The following ANKRD33B variants were observed in gnomAD, a reference collection of about 807,000 sequenced individuals.
ANKRD33B encodes ankyrin repeat domain 33B.
A neutral mutation model predicts 21.5 loss-of-function variants in ANKRD33B; 6 were observed. That is an observed-to-expected ratio of 0.28 (90% CI 0.15 to 0.55). The LOEUF (loss-of-function observed/expected upper bound fraction) is 0.55. Ranked by LOEUF, ANKRD33B falls within the 20% of genes least tolerant of loss-of-function variation. ANKRD33B has a pLI of 0.94. For synonymous variants in ANKRD33B, 347 were observed against 342.4 expected, an observed-to-expected ratio of 1.01 and a Z score of -0.15; for missense variants, 698 against 747.2, an observed-to-expected ratio of 0.93 and a Z score of 0.77.
At chr5:10,582,538 T>A (rs375879702) in intron 1 of ANKRD33B, among the ~76,000 whole-genome samples, 1 of 152,242 alleles carries the variant, frequency 6.6e-6, no homozygotes, top group Non-Finnish European at 1.5e-5. Flanking sequence ...CTTTTTTATT[T>A]TCTTTTTAAC....
intron 2 of ANKRD33B, among the ~76,000 whole-genome samples, chr5:10,634,956 G>C (rs1385518602): frequency 6.6e-6 from 1 of 151,166 alleles, no homozygotes; most frequent in Non-Finnish European, 1.5e-5. Context: ...TGTGATGAGA[G>C]GTATTATTCT....
At chr5:10,624,355 C>G (rs1244221391) in intron 2 of ANKRD33B, among the ~76,000 whole-genome samples, 2 of 152,168 alleles carry the variant, frequency 1.3e-5, no homozygotes, top group East Asian at 3.9e-4. Context: ...GTTTTGAACT[C>G]CTGACCTCAA....
At chr5:10,594,572 A>G (rs1202900659) in intron 1 of ANKRD33B, among the ~76,000 whole-genome samples, 1 of 151,988 alleles carries the variant, frequency 6.6e-6, no homozygotes, top group African/African-American at 2.4e-5. Context: ...ACTCATCCCC[A>G]TGCATGCCGA....
At chr5:10,631,058 C>A (rs1467503673) in intron 2 of ANKRD33B, among the ~76,000 whole-genome samples, 1 of 152,086 alleles carries the variant, frequency 6.6e-6, no homozygotes, top group East Asian at 1.9e-4. Flanking sequence ...CAGATAATTT[C>A]TTTATGTTAG....
At chr5:10,640,738 A>C (rs1026664911) in intron 3 of ANKRD33B, among the ~76,000 whole-genome samples, 1 of 152,198 alleles carries the variant, frequency 6.6e-6, no homozygotes, top group Non-Finnish European at 1.5e-5. Flanking sequence ...TCTCTGTCTT[A>C]GTTGTTCTGC....
At chr5:10,585,085 T>G (rs889248904) in intron 1 of ANKRD33B, among the ~76,000 whole-genome samples, 2 of 152,096 alleles carry the variant, frequency 1.3e-5, no homozygotes, top group African/African-American at 4.8e-5. Flanking sequence ...TGACCAGTGC[T>G]TTACTCACAA....
rs1736087897 is a variant in ANKRD33B at position 10,608,064 on chromosome 5, G to A, written c.367-10269G>A. Among the ~76,000 whole-genome samples the A allele has an allele frequency of 2.0e-5, 3 of 151,986 alleles. No individual in the cohort carries two copies. The South Asian group carries it at 6.2e-4, about 32-fold the overall frequency. ...AGCTTGGTAATCAAGAATAGCAACAGCAGGCTGAGTACGGGGGCTCACGCC... is the reference window on the plus strand; with the variant it reads ...AGCTTGGTAATCAAGAATAGCAACAACAGGCTGAGTACGGGGGCTCACGCC... On this transcript the variant is annotated intron_variant, in intron 1 of 3. Coordinates refer to ENST00000296657, the MANE Select transcript of ANKRD33B (RefSeq NM_001164440.2).
At chr5:10,609,877 A>G (rs755751975) in intron 1 of ANKRD33B, among the ~76,000 whole-genome samples, 1 of 152,160 alleles carries the variant, frequency 6.6e-6, no homozygotes, top group African/African-American at 2.4e-5. Context: ...CCATTGCACT[A>G]TAGCCTGGGT....
intron 1 of ANKRD33B, among the ~76,000 whole-genome samples, chr5:10,600,831 T>A (rs1348426011): frequency 6.6e-6 from 1 of 152,212 alleles, no homozygotes; most frequent in Non-Finnish European, 1.5e-5. Context: ...GTCAGTCTTT[T>A]TAATTTTAAC....
chr5:10,602,106 C>G (rs1735947094), intron 1 of ANKRD33B, among the ~76,000 whole-genome samples: 1 of 132,982 alleles, frequency 7.5e-6, no homozygotes, highest in Admixed American at 7.3e-5. Context: ...AACAAGAACA[C>G]AAGCTGAGCT....
At position 10,657,443 on chromosome 5, in the gene ANKRD33B, A is replaced by G. The variant is rs190327013; in HGVS notation, c.*7330A>G. ...TGAATGTAAACCTATTTGCATTGTC[A>G]TTTCTAATAATCCAGTAGGTTTCTG... On this transcript the variant is annotated 3_prime_UTR_variant, in exon 4 of 4. Transcript: ENST00000296657. 27 of 152,468 alleles carry G rather than the reference A, an allele frequency of 1.8e-4. No homozygotes were observed. The highest frequency in any genetic ancestry group is 1.5e-3 in the Admixed American group (23 of 15,302). 9.4% of individuals were successfully genotyped at this position (152,468 alleles called of 1,614,324 possible).
At chr5:10,600,697 C>T (rs1379019681) in intron 1 of ANKRD33B, among the ~76,000 whole-genome samples, 1 of 152,186 alleles carries the variant, frequency 6.6e-6, no homozygotes, top group Admixed American at 6.5e-5. Flanking sequence ...GAGTTGCTGG[C>T]TCATAAGGTA....
At chr5:10,605,918 C>G (rs1172111925) in intron 1 of ANKRD33B, among the ~76,000 whole-genome samples, 2 of 152,212 alleles carry the variant, frequency 1.3e-5, no homozygotes, top group Admixed American at 6.5e-5. Flanking sequence ...AAATTCCAAG[C>G]TTAATTTCAG....
chr5:10,616,541 G>A (rs1416259345), intron 1 of ANKRD33B, among the ~76,000 whole-genome samples: 2 of 127,244 alleles, frequency 1.6e-5, no homozygotes, highest in South Asian at 2.5e-4. Flanking sequence ...TCTAGCCTGG[G>A]CAACAAGAGT....
At chr5:10,564,959 G>C in intron 1 of ANKRD33B, 126 bp downstream of exon 1, 2 of 1,320,016 alleles carry the variant, frequency 1.5e-6, no homozygotes. Flanking sequence ...CCGCCGCCCA[G>C]AGCGCCTTTT....
intron 1 of ANKRD33B, among the ~76,000 whole-genome samples, chr5:10,582,045 A>G (rs1425218633): frequency 6.6e-6 from 1 of 152,126 alleles, no homozygotes; most frequent in Non-Finnish European, 1.5e-5. Flanking sequence ...CCACTTTCCT[A>G]AGAGTCATGT....
At chr5:10,588,586 T>A (rs1420656436) in intron 1 of ANKRD33B, among the ~76,000 whole-genome samples, 1 of 152,236 alleles carries the variant, frequency 6.6e-6, no homozygotes, top group Non-Finnish European at 1.5e-5. Flanking sequence ...CACTTGGCCA[T>A]GTCACTTGCT....
chr5:10,657,103 A>G lies in ANKRD33B; in HGVS notation c.*6990A>G, dbSNP rs1737508014. On this transcript the variant is annotated 3_prime_UTR_variant, in exon 4 of 4. Coordinates refer to ENST00000296657, the MANE Select transcript of ANKRD33B (RefSeq NM_001164440.2). ...ACCAGTTTTTGAGCAGAAGTTCTAG[A>G]AGCTGATTTAGAACTACACAGCTAT... 6.6e-6 allele frequency: 1 copy of G among 152,384 alleles called. No individual in the cohort carries two copies. Among genetic ancestry groups the G allele is most frequent in the African/African-American group, 2.4e-5 (1 of 41,474 alleles). 9.4% of individuals were successfully genotyped at this position (152,384 alleles called of 1,614,324 possible).
chr5:10,579,706 AT>A (rs987914926), intron 1 of ANKRD33B, among the ~76,000 whole-genome samples: 78 of 148,060 alleles, frequency 5.3e-4, no homozygotes, highest in South Asian at 6.4e-4. Context: ...TAGGAACAGA[AT>A]TTTTTTTTTT....
Sources: gnomAD v4.1 joint callset for allele counts (sites outside exome capture counted in the v4.1 genomes callset) on GRCh38, gnomAD v4.1.1 for gene constraint, MANE v1.5 for transcripts, NCBI Gene and HGNC (gene_info 2026-07-23, HGNC 2026-07-21) for gene names.